The following CTBP2 variants were observed in gnomAD, a reference collection of about 807,000 sequenced individuals.
CTBP2 encodes C-terminal-binding protein 2.
In CTBP2, 30 loss-of-function variants were observed where a neutral mutation model predicts 80.3. That is an observed-to-expected ratio of 0.37 (90% confidence interval 0.28 to 0.51). The LOEUF is 0.51. CTBP2 is among the 20% of genes least tolerant of loss of function. The pLI is 0.93. For synonymous variants in CTBP2, 594 were observed against 587.4 expected (o/e 1.01, Z -0.16); for missense variants, 1,212 against 1,375.3 (o/e 0.88, Z 1.88).
intron 2 of CTBP2, among the ~76,000 whole-genome samples, chr10:125,042,502 T>G (rs1960134992): frequency 6.6e-6 from 1 of 152,206 alleles, no homozygotes; most frequent in Admixed American, 6.5e-5. Context: ...GTTTCACTAT[T>G]CCACTTCTGC....
intron 1 of CTBP2, among the ~76,000 whole-genome samples, chr10:125,019,312 C>T (rs10901850): frequency 0.38 from 57,995 of 151,912 alleles, 11,329 homozygotes; most frequent in Admixed American, 0.44. Context: ...ATTACAAGTA[C>T]TATTTCTCTT....
intron 1 of CTBP2, among the ~76,000 whole-genome samples, chr10:125,010,565 G>A (rs1565084499): frequency 6.6e-6 from 1 of 152,188 alleles, no homozygotes; most frequent in Non-Finnish European, 1.5e-5. Context: ...CTGCATTCAT[G>A]GCAGACATCA....
intron 2 of CTBP2, among the ~76,000 whole-genome samples, chr10:125,087,386 C>CT (rs1347186649): frequency 6.6e-6 from 1 of 152,104 alleles, no homozygotes; most frequent in Non-Finnish European, 1.5e-5. Context: ...GACATTACTT[C>CT]TTAAGTACAG....
intron 2 of CTBP2, among the ~76,000 whole-genome samples, chr10:125,102,296 C>G (rs1850753110): frequency 6.6e-6 from 1 of 152,218 alleles, no homozygotes; most frequent in East Asian, 1.9e-4. Flanking sequence ...AAGTCCTGTG[C>G]AATTAGAATC....
intron 2 of CTBP2, among the ~76,000 whole-genome samples, chr10:125,078,836 C>T (rs536620644): frequency 9.9e-5 from 15 of 152,072 alleles, no homozygotes; most frequent in Non-Finnish European, 1.8e-4. Context: ...TTAGACCAAT[C>T]AAAAAATTTG....
chr10:125,024,409 G>A (rs898936773), intron 1 of CTBP2, among the ~76,000 whole-genome samples: 1 of 152,068 alleles, frequency 6.6e-6, no homozygotes, highest in Non-Finnish European at 1.5e-5. Context: ...AATATCCTCC[G>A]GTCTGTAAAA....
intron 1 of CTBP2, among the ~76,000 whole-genome samples, chr10:125,119,881 C>A (rs548159849): frequency 5.3e-5 from 8 of 152,224 alleles, no homozygotes; most frequent in Non-Finnish European, 1.0e-4. Context: ...GCTGCCTGGG[C>A]TGCTTTGCCT....
At chr10:125,102,770 C>T (rs1281446620) in intron 2 of CTBP2, among the ~76,000 whole-genome samples, 1 of 152,206 alleles carries the variant, frequency 6.6e-6, no homozygotes, top group Non-Finnish European at 1.5e-5. Flanking sequence ...GTGAGCAAAG[C>T]AGCAGCCACC....
intron 1 of CTBP2, among the ~76,000 whole-genome samples, chr10:125,147,416 G>A (rs897451503): frequency 1.3e-5 from 2 of 152,146 alleles, no homozygotes; most frequent in South Asian, 2.1e-4. Context: ...TTTACTGAGC[G>A]TTTCTTGGAG....
intron 2 of CTBP2, among the ~76,000 whole-genome samples, chr10:125,103,723 A>G (rs1851008262): frequency 6.6e-6 from 1 of 152,164 alleles, no homozygotes; most frequent in Non-Finnish European, 1.5e-5. Flanking sequence ...CCACCGCGGA[A>G]GTGGGTGATA....
chr10:125,062,028 C>T (rs1965067067), intron 2 of CTBP2, among the ~76,000 whole-genome samples: 1 of 152,212 alleles, frequency 6.6e-6, no homozygotes, highest in South Asian at 2.1e-4. Flanking sequence ...ATCGTCCACG[C>T]CCTGAGTTTG....
chr10:125,096,417 C>T (rs1018220792), intron 2 of CTBP2, among the ~76,000 whole-genome samples: 2 of 152,152 alleles, frequency 1.3e-5, no homozygotes, highest in African/African-American at 4.8e-5. Context: ...TTGAGACTAT[C>T]GCCTCATGAA....
chr10:125,029,384 G>C (rs1957961994), upstream of CTBP2, among the ~76,000 whole-genome samples: 1 of 151,896 alleles, frequency 6.6e-6, no homozygotes, highest in African/African-American at 2.4e-5. Flanking sequence ...TGGGATTACA[G>C]GTGTGCACCA....
intron 1 of CTBP2, among the ~76,000 whole-genome samples, chr10:125,144,338 C>T (rs541744868): frequency 2.0e-5 from 3 of 152,282 alleles, no homozygotes; most frequent in South Asian, 2.1e-4. Context: ...GGATCTCGCT[C>T]GATCATTAAT....
Position 124,993,726 on chromosome 10 carries a change from G to A in CTBP2, c.2531+129C>T, listed in dbSNP as rs1166572721. 4 of 1,174,390 alleles carry A rather than the reference G, an allele frequency of 3.4e-6. No individual in the cohort carries two copies. The African/African-American group carries it at 4.6e-5, about 14-fold the overall frequency. 72.7% of individuals were successfully genotyped at this position (1,174,390 alleles called of 1,614,324 possible). A position where few individuals can be genotyped will look rare whatever the true frequency, so the allele number is the denominator to read the frequency against. On this transcript the variant is annotated intron_variant, in intron 6 of 8. Transcript: ENST00000309035. ...CACAATCCTTAGAAGAACAGAGACTGTAAATGTCATCTCTGGAGTTTCCTG... is the reference window on the plus strand; with the variant it reads ...CACAATCCTTAGAAGAACAGAGACTATAAATGTCATCTCTGGAGTTTCCTG...
chr10:125,131,170 A>T (rs924104294), intron 1 of CTBP2, among the ~76,000 whole-genome samples: 6 of 152,188 alleles, frequency 3.9e-5, no homozygotes, highest in Non-Finnish European at 8.8e-5. Flanking sequence ...CTGTCTGGGA[A>T]CGCCATGCTG....
At chr10:125,015,887 A>G (rs1484479303) in intron 1 of CTBP2, among the ~76,000 whole-genome samples, 1 of 152,246 alleles carries the variant, frequency 6.6e-6, no homozygotes, top group Non-Finnish European at 1.5e-5. Context: ...CTGGGCTGGC[A>G]GCGTGTCCAG....
intron 1 of CTBP2, chr10:125,133,519 T>A (rs1284363845): frequency 1.3e-5 from 2 of 152,188 alleles, no homozygotes; most frequent in Non-Finnish European, 2.9e-5. Flanking sequence ...CACGCGCTGG[T>A]GGGGTACTCT....
At chr10:125,142,495 AAC>A (rs1183528473) in intron 1 of CTBP2, among the ~76,000 whole-genome samples, 1 of 152,190 alleles carries the variant, frequency 6.6e-6, no homozygotes, top group East Asian at 1.9e-4. Context: ...GGGAGGCAGG[AAC>A]TCCATAGGAG....
Sources: gnomAD v4.1 joint callset for allele counts (sites outside exome capture counted in the v4.1 genomes callset) on GRCh38, gnomAD v4.1.1 for gene constraint, MANE v1.5 for transcripts, NCBI Gene and HGNC (gene_info 2026-07-23, HGNC 2026-07-21) for gene names.